BICD1: variants seen among roughly 807,000 people sequenced by gnomAD.
BICD1 encodes protein bicaudal D homolog 1.
A neutral mutation model predicts 92.5 loss-of-function variants in BICD1; 35 were observed. The ratio of observed to expected loss-of-function variants is 0.38; its 90% CI spans 0.29 to 0.50. The LOEUF (loss-of-function observed/expected upper bound fraction) is 0.50. Ranked by LOEUF, BICD1 falls within the 20% of genes least tolerant of loss-of-function variation. The pLI is 0.93. For missense variants in BICD1, 950 were observed against 1,189.8 expected (o/e 0.80, Z 2.97); for synonymous variants, 429 against 465.1 (o/e 0.92, Z 1.00).
rs1280279334 is a variant in BICD1 at position 32,289,525 on chromosome 12, A to G, written c.427-4469A>G. Among the ~76,000 whole-genome samples the G allele has an allele frequency of 2.0e-5, 3 of 152,360 alleles. No homozygotes were observed. The East Asian group carries it at 5.8e-4, about 29-fold the overall frequency. On this transcript the variant is annotated intron_variant, in intron 2 of 9. Transcript: ENST00000652176. ...TTCAGCCTCCCAAGTAGCTAGGACT[A>G]CAGGCGCGTGCCACCACACCCAGCT...
intron 2 of BICD1, among the ~76,000 whole-genome samples, chr12:32,237,236 A>T (rs1407641620): frequency 2.0e-5 from 3 of 152,150 alleles, no homozygotes; most frequent in African/African-American, 7.2e-5. Flanking sequence ...GAAGGCTGAG[A>T]AAGGTGAGGA....
intron 1 of BICD1, among the ~76,000 whole-genome samples, chr12:32,174,209 G>C (rs1944029932): frequency 6.6e-6 from 1 of 152,098 alleles, no homozygotes; most frequent in South Asian, 2.1e-4. Context: ...GATGTCTACA[G>C]AGTCAGATGT....
At chr12:32,107,592 C>T (rs201539473) in intron 1 of BICD1, 48 bp downstream of exon 1, 1 of 1,521,756 alleles carries the variant, frequency 6.6e-7, no homozygotes, top group Non-Finnish European at 8.9e-7. Flanking sequence ...CTCCCCCCAC[C>T]CGCAAGGCCC....
At chr12:32,276,124 G>T (rs182852572) in intron 2 of BICD1, among the ~76,000 whole-genome samples, 1 of 152,092 alleles carries the variant, frequency 6.6e-6, no homozygotes, top group Admixed American at 6.5e-5. Context: ...AACTACAAAT[G>T]GTTCTTCAAA....
chr12:32,242,215 C>CAAA (rs4001812), intron 2 of BICD1, among the ~76,000 whole-genome samples: 10 of 47,730 alleles, frequency 2.1e-4, no homozygotes, highest in Admixed American at 3.4e-4. Flanking sequence ...GACCCTGTCT[C>CAAA]AAAAAAAAAA....
chr12:32,248,070 G>A (rs1254298854), intron 2 of BICD1, among the ~76,000 whole-genome samples: 5 of 152,080 alleles, frequency 3.3e-5, no homozygotes, highest in African/African-American at 4.8e-5. Flanking sequence ...GTGACAGAGC[G>A]AGACTCCATC....
intron 1 of BICD1, among the ~76,000 whole-genome samples, chr12:32,124,040 T>C (rs1326966899): frequency 1.3e-5 from 2 of 152,242 alleles, no homozygotes; most frequent in Non-Finnish European, 2.9e-5. Flanking sequence ...AAGTGTCTTG[T>C]GCTCTCTGTC....
At chr12:32,221,810 A>G (rs1945540841) in intron 2 of BICD1, among the ~76,000 whole-genome samples, 1 of 152,196 alleles carries the variant, frequency 6.6e-6, no homozygotes, top group Non-Finnish European at 1.5e-5. Flanking sequence ...TACAGGGCCA[A>G]TAATAGGCAG....
chr12:32,274,295 G>T (rs1370434485), intron 2 of BICD1, among the ~76,000 whole-genome samples: 3 of 152,104 alleles, frequency 2.0e-5, no homozygotes, highest in Non-Finnish European at 4.4e-5. Context: ...ACTTTAATAA[G>T]AACATCAGAA....
At chr12:32,308,446 G>A (rs1948289143) in intron 4 of BICD1, among the ~76,000 whole-genome samples, 2 of 152,162 alleles carry the variant, frequency 1.3e-5, no homozygotes. Context: ...GTGTCATGAA[G>A]GTTTATGAGT....
At chr12:32,349,303 G>A (rs1465928517) in intron 8 of BICD1, among the ~76,000 whole-genome samples, 1 of 152,116 alleles carries the variant, frequency 6.6e-6, no homozygotes, top group Non-Finnish European at 1.5e-5. Context: ...TGATTATAAG[G>A]CATTATCTGA....
intron 1 of BICD1, among the ~76,000 whole-genome samples, chr12:32,120,493 A>C (rs1364138578): frequency 6.6e-6 from 1 of 152,240 alleles, no homozygotes; most frequent in Non-Finnish European, 1.5e-5. Context: ...ACTGCAGAGT[A>C]ATGTGGAATC....
At chr12:32,144,498 G>A (rs889631943) in intron 1 of BICD1, among the ~76,000 whole-genome samples, 9 of 152,254 alleles carry the variant, frequency 5.9e-5, no homozygotes, top group African/African-American at 1.7e-4. Flanking sequence ...AAAGATTATG[G>A]TTTAAACCAG....
At chr12:32,166,161 C>A (rs1390079959) in intron 1 of BICD1, among the ~76,000 whole-genome samples, 1 of 78,014 alleles carries the variant, frequency 1.3e-5, no homozygotes, top group Non-Finnish European at 3.2e-5. Flanking sequence ...TTGGAGCCAG[C>A]GTTTCGTTCT....
chr12:32,331,122 C>T (rs974830656), intron 5 of BICD1, among the ~76,000 whole-genome samples: 10 of 147,406 alleles, frequency 6.8e-5, no homozygotes, highest in East Asian at 4.5e-4. Flanking sequence ...GCAACAAGAG[C>T]GAAAATCTGT....
chr12:32,324,956 A>G (rs1443387554), intron 4 of BICD1, among the ~76,000 whole-genome samples: 1 of 152,090 alleles, frequency 6.6e-6, no homozygotes, highest in Non-Finnish European at 1.5e-5. Flanking sequence ...AAGTCCCTCA[A>G]ACAGCATTAG....
intron 4 of BICD1, among the ~76,000 whole-genome samples, chr12:32,326,926 G>C (rs1293186414): frequency 2.0e-5 from 3 of 152,142 alleles, no homozygotes; most frequent in Non-Finnish European, 4.4e-5. Flanking sequence ...GTTTATTTTG[G>C]GGACTAAATG....
chr12:32,333,387 C>T (rs551762849), intron 5 of BICD1, among the ~76,000 whole-genome samples: 26 of 152,236 alleles, frequency 1.7e-4, no homozygotes, highest in Non-Finnish European at 3.1e-4. Context: ...GAAACTACTT[C>T]GGAATCAAAA....
chr12:32,162,916 G>A (rs932230967), intron 1 of BICD1, among the ~76,000 whole-genome samples: 4 of 152,130 alleles, frequency 2.6e-5, no homozygotes, highest in Non-Finnish European at 4.4e-5. Context: ...AGTTTGGGAG[G>A]TGGAGGCTGC....
Sources: gnomAD v4.1 joint callset for allele counts (sites outside exome capture counted in the v4.1 genomes callset) on GRCh38, gnomAD v4.1.1 for gene constraint, MANE v1.5 for transcripts, NCBI Gene and HGNC (gene_info 2026-07-23, HGNC 2026-07-21) for gene names.